LGSN: variants seen among roughly 807,000 people sequenced by gnomAD.
The protein encoded by LGSN is lengsin, lens protein with glutamine synthetase domain, also known as lengsin.
Under a neutral mutation model 19.5 loss-of-function variants are expected in LGSN, and 21 were observed. That is an observed-to-expected ratio of 1.07 (90% CI 0.76 to 1.55). LGSN has a LOEUF of 1.55. Among genes scored for constraint, LGSN ranks in the 40% most tolerant of loss-of-function variants. The pLI, the probability that LGSN is intolerant of heterozygous loss-of-function variation, is 0.00. For missense variants in LGSN, 673 were observed against 608.5 expected (o/e 1.11, Z -1.12); for synonymous variants, 257 against 215.6 (o/e 1.19, Z -1.68).
the LGSN span, among the ~76,000 whole-genome samples, chr6:63,492,656 A>G: frequency 6.6e-6 from 1 of 152,220 alleles, no homozygotes; most frequent in Non-Finnish European, 1.5e-5. Context: ...CAGCCTTGAC[A>G]TTTAAGGCAA....
chr6:63,466,403 G>T, the LGSN span, among the ~76,000 whole-genome samples: 1 of 152,134 alleles, frequency 6.6e-6, no homozygotes, highest in Non-Finnish European at 1.5e-5. Flanking sequence ...AGGACTACAG[G>T]TGTATGCCAC....
chr6:63,427,913 T>TA, the LGSN span, among the ~76,000 whole-genome samples: 13 of 151,788 alleles, frequency 8.6e-5, no homozygotes, highest in Admixed American at 2.6e-4. Flanking sequence ...GTTATTGATT[T>TA]AAAAAAAAAT....
chr6:63,472,983 T>A, the LGSN span, among the ~76,000 whole-genome samples: 2 of 151,244 alleles, frequency 1.3e-5, no homozygotes, highest in Non-Finnish European at 2.9e-5. Flanking sequence ...ATAAATAAAT[T>A]TTTTTTTGCC....
intron 1 of LGSN, among the ~76,000 whole-genome samples, chr6:63,312,857 A>G (rs1768685427): frequency 1.3e-5 from 2 of 152,198 alleles, no homozygotes. Flanking sequence ...TGTCAGAGAC[A>G]GAGGAATGAA....
At chr6:63,515,462 C>T in the LGSN span, among the ~76,000 whole-genome samples, 1 of 151,978 alleles carries the variant, frequency 6.6e-6, no homozygotes, top group African/African-American at 2.4e-5. Flanking sequence ...AACTTCTGAC[C>T]TCAGGAGACC....
chr6:63,393,032 G>T, the LGSN span, among the ~76,000 whole-genome samples: 4 of 151,016 alleles, frequency 2.6e-5, no homozygotes, highest in Non-Finnish European at 5.9e-5. Context: ...GACTACAGGC[G>T]CCCACCACCA....
the LGSN span, among the ~76,000 whole-genome samples, chr6:63,381,762 A>G: frequency 6.6e-6 from 1 of 152,226 alleles, no homozygotes; most frequent in Non-Finnish European, 1.5e-5. Flanking sequence ...TTGCCATTTC[A>G]TCTTGTCCAG....
chr6:63,415,767 T>C, the LGSN span, among the ~76,000 whole-genome samples: 3 of 152,248 alleles, frequency 2.0e-5, no homozygotes, highest in Non-Finnish European at 4.4e-5. Context: ...ATCATTATGC[T>C]TTGCTACTTC....
At chr6:63,488,135 C>A in the LGSN span, among the ~76,000 whole-genome samples, 1 of 151,992 alleles carries the variant, frequency 6.6e-6, no homozygotes. Flanking sequence ...ACAAGATAAA[C>A]TCACAATCAT....
intron 1 of LGSN, among the ~76,000 whole-genome samples, chr6:63,311,003 C>T (rs1456472198): frequency 6.6e-6 from 1 of 152,148 alleles, no homozygotes; most frequent in Non-Finnish European, 1.5e-5. Flanking sequence ...AGCAAAATGC[C>T]TTGAGCATCT....
intron 1 of LGSN, among the ~76,000 whole-genome samples, chr6:63,319,513 G>T (rs541870635): frequency 6.6e-6 from 1 of 152,112 alleles, no homozygotes; most frequent in East Asian, 1.9e-4. Flanking sequence ...TTTGAAAACA[G>T]GTTTCCACCT....
the LGSN span, among the ~76,000 whole-genome samples, chr6:63,529,193 A>ATATATATATATGTATATATATGTGTG: frequency 1.4e-5 from 2 of 140,958 alleles, no homozygotes; most frequent in East Asian, 2.1e-4. Context: ...ATATGTGTGT[A>ATATATATATATGTATATATATGTGTG]TATATATATA....
chr6:63,563,757 A>T, the LGSN span, among the ~76,000 whole-genome samples: 4 of 152,194 alleles, frequency 2.6e-5, no homozygotes, highest in Non-Finnish European at 5.9e-5. Flanking sequence ...GAAAACCCCA[A>T]GGAAAGTGGA....
At chr6:63,411,803 T>C in the LGSN span, among the ~76,000 whole-genome samples, 1 of 151,758 alleles carries the variant, frequency 6.6e-6, no homozygotes, top group South Asian at 2.1e-4. Context: ...GTCATGATGG[T>C]CCCCCTGCAC....
At chr6:63,508,934 A>G in the LGSN span, among the ~76,000 whole-genome samples, 23 of 151,690 alleles carry the variant, frequency 1.5e-4, no homozygotes, top group Non-Finnish European at 2.9e-4. Flanking sequence ...AAGAAAAAAA[A>G]AAAAAAAAGA....
chr6:63,337,881 A>T, the LGSN span, among the ~76,000 whole-genome samples: 4 of 151,876 alleles, frequency 2.6e-5, no homozygotes, highest in South Asian at 6.2e-4. Flanking sequence ...TATTTTATTT[A>T]TGTATTTATT....
chr6:63,541,021 T>G, the LGSN span, among the ~76,000 whole-genome samples: 77,595 of 142,714 alleles, frequency 0.54, 22,156 homozygotes, highest in African/African-American at 0.77. Flanking sequence ...AAGGAGGGAA[T>G]GAAGAAAGGA....
rs149460044 is a variant in LGSN at position 63,281,132 on chromosome 6, G to A, written c.419C>T (p.Ala140Val). ...GACTATGTCGCTATTAAAACATGTG[G>A]CTCTTATGTTATTCATTTCATTGTC... is the stretch of plus-strand genomic sequence containing the variant. ...PKDNEMNNIR[A>V]TCFNSDIVLM... The change falls in exon 4 of 4, where the codon GCC becomes GTC. Residue 140 changes from alanine to valine, a missense_variant. By Grantham distance (64) the Ala-to-Val change is moderately conservative. Coordinates refer to ENST00000370657, the MANE Select transcript of LGSN (RefSeq NM_016571.3). 7 of 1,613,398 alleles carry A rather than the reference G, an allele frequency of 4.3e-6. No homozygotes were observed. The African/African-American group carries it at 8.0e-5, about 18-fold the overall frequency.
At chr6:63,356,095 C>T in the LGSN span, among the ~76,000 whole-genome samples, 1 of 152,130 alleles carries the variant, frequency 6.6e-6, no homozygotes, top group African/African-American at 2.4e-5. Context: ...GGTTATATTG[C>T]ACTAGGGCCC....
Sources: gnomAD v4.1 joint callset for allele counts (sites outside exome capture counted in the v4.1 genomes callset) on GRCh38, gnomAD v4.1.1 for gene constraint, MANE v1.5 for transcripts, NCBI Gene and HGNC (gene_info 2026-07-23, HGNC 2026-07-21) for gene names.